Variants in DLGAP2 observed in about 807,000 individuals in gnomAD.
The protein encoded by DLGAP2 is DLG associated protein 2.
Under a neutral mutation model 100.3 loss-of-function variants are expected in DLGAP2, and 26 were observed. That is an observed-to-expected ratio of 0.26 (90% CI 0.19 to 0.36). The LOEUF is 0.36. DLGAP2 is among the 10% of genes least tolerant of loss of function. DLGAP2 has a pLI of 1.00. For synonymous variants in DLGAP2, 886 were observed against 630.1 expected (o/e 1.41, Z -6.08); for missense variants, 1,858 against 1,453.2 (o/e 1.28, Z -4.53).
At chr8:1,189,344 C>G (rs149968480) in intron 2 of DLGAP2, among the ~76,000 whole-genome samples, 22 of 152,226 alleles carry the variant, frequency 1.4e-4, no homozygotes, top group African/African-American at 5.3e-4. Context: ...AGTCACACAT[C>G]CAGCAGGAAG....
chr8:1,585,509 G>A (rs1320213729), intron 6 of DLGAP2, among the ~76,000 whole-genome samples: 1 of 152,204 alleles, frequency 6.6e-6, no homozygotes, highest in Non-Finnish European at 1.5e-5. Flanking sequence ...AGTGAGTGCT[G>A]TCTTTTACCA....
intron 1 of DLGAP2, among the ~76,000 whole-genome samples, chr8:789,398 C>G (rs1268134698): frequency 6.6e-6 from 1 of 152,104 alleles, no homozygotes; most frequent in Non-Finnish European, 1.5e-5. Flanking sequence ...AAACTACCAG[C>G]TCTTCTGAGA....
chr8:1,179,816 C>T (rs546133648), intron 2 of DLGAP2, among the ~76,000 whole-genome samples: 1 of 152,310 alleles, frequency 6.6e-6, no homozygotes, highest in South Asian at 2.1e-4. Context: ...CATACCCTTA[C>T]ATTTATACCC....
At chr8:1,337,309 G>A (rs1395239021) in intron 3 of DLGAP2, among the ~76,000 whole-genome samples, 1 of 112,130 alleles carries the variant, frequency 8.9e-6, no homozygotes, top group African/African-American at 3.3e-5. Flanking sequence ...TGAGGATGAT[G>A]TGATGGTGAG....
At chr8:1,332,606 A>T (rs1585268477) in intron 3 of DLGAP2, among the ~76,000 whole-genome samples, 1 of 152,118 alleles carries the variant, frequency 6.6e-6, no homozygotes, top group Non-Finnish European at 1.5e-5. Context: ...TGCCCTGAGA[A>T]GCACACTCAC....
At chr8:1,511,631 A>C (rs143877696) in intron 4 of DLGAP2, among the ~76,000 whole-genome samples, 2 of 150,496 alleles carry the variant, frequency 1.3e-5, no homozygotes, top group Non-Finnish European at 1.5e-5. Flanking sequence ...GTGTAGGACA[A>C]TCAGTAGATG....
chr8:1,036,198 G>T (rs1357348148), intron 2 of DLGAP2, among the ~76,000 whole-genome samples: 3 of 125,424 alleles, frequency 2.4e-5, no homozygotes, highest in African/African-American at 8.9e-5. Flanking sequence ...CCGCGAGTGG[G>T]TTCACAGCCT....
rs745361739 is a variant in DLGAP2 at position 1,668,467 on chromosome 8, T to C, written c.1949T>C (p.Met650Thr). 51 of 1,594,482 alleles carry C rather than the reference T, an allele frequency of 3.2e-5. 1 individual carries two copies. Among genetic ancestry groups the C allele is most frequent in the South Asian group, 2.7e-4 (24 of 87,766 alleles). The change falls in exon 9 of 15, where the codon ATG becomes ACG. Residue 650 changes from methionine (M) to threonine (T), a missense_variant. Coordinates refer to ENST00000637795, the MANE Select transcript of DLGAP2 (RefSeq NM_001346810.2). Reference sequence around the variant, plus strand: ...TACCAGGACAGCCGCGCACAGAGGATGTCCCCGTGGCCCCAGGACAGCCGC... The same window carrying C: ...TACCAGGACAGCCGCGCACAGAGGACGTCCCCGTGGCCCCAGGACAGCCGC... ...DAYQDSRAQR[M>T]SPWPQDSRGL...
At chr8:898,294 C>CGACTTCACCCAAGAGGCCTTGGGGT (rs1453082518) in intron 1 of DLGAP2, among the ~76,000 whole-genome samples, 3 of 152,066 alleles carry the variant, frequency 2.0e-5, no homozygotes, top group African/African-American at 7.2e-5. Flanking sequence ...TGAGGTCTGG[C>CGACTTCACCCAAGAGGCCTTGGGGT]GACTTCACCC....
chr8:1,085,938 C>A lies in DLGAP2; in HGVS notation c.74-172913C>A, dbSNP rs1186498768. Among the ~76,000 whole-genome samples the A allele has an allele frequency of 2.0e-5, 3 of 152,264 alleles. No individual in the cohort carries two copies. In the East Asian group the frequency reaches 5.8e-4, roughly 29 times the overall value. On this transcript the variant is annotated intron_variant, in intron 2 of 14. Coordinates refer to ENST00000637795, the MANE Select transcript of DLGAP2 (RefSeq NM_001346810.2). ...TTTATTTGTATCTTCAGTTGTCTTT[C>A]ATTAAAGTTTTCTAGTTTTTAGTTA...
At chr8:951,694 A>G (rs1478200291) in intron 2 of DLGAP2, among the ~76,000 whole-genome samples, 1 of 152,248 alleles carries the variant, frequency 6.6e-6, no homozygotes, top group Non-Finnish European at 1.5e-5. Flanking sequence ...GGACATGTCC[A>G]GGTGCTCCTT....
intron 6 of DLGAP2, among the ~76,000 whole-genome samples, chr8:1,580,001 G>A (rs1275311642): frequency 3.3e-5 from 5 of 152,134 alleles, no homozygotes; most frequent in East Asian, 3.9e-4. Flanking sequence ...CACCTCCACC[G>A]AAAGCCTGAT....
At chr8:1,363,048 T>C (rs1312765096) in intron 3 of DLGAP2, among the ~76,000 whole-genome samples, 1 of 152,208 alleles carries the variant, frequency 6.6e-6, no homozygotes, top group Non-Finnish European at 1.5e-5. Flanking sequence ...CTCTAAGCTT[T>C]AAAGAGAAGC....
intron 1 of DLGAP2, among the ~76,000 whole-genome samples, chr8:796,607 G>A (rs901081695): frequency 1.3e-5 from 2 of 152,196 alleles, no homozygotes; most frequent in African/African-American, 4.8e-5. Flanking sequence ...CAGCCTCAGA[G>A]CCTAGCAGTG....
chr8:1,417,664 A>T (rs796530141), intron 3 of DLGAP2, among the ~76,000 whole-genome samples: 2 of 94,486 alleles, frequency 2.1e-5, no homozygotes, highest in East Asian at 3.5e-4. Flanking sequence ...CTCCTGCCTC[A>T]CTCCGCGAGG....
At chr8:1,323,260 G>A (rs547733273) in intron 3 of DLGAP2, among the ~76,000 whole-genome samples, 1 of 152,038 alleles carries the variant, frequency 6.6e-6, no homozygotes, top group Non-Finnish European at 1.5e-5. Flanking sequence ...GAACTCCTGA[G>A]GTCAGGCAAT....
chr8:1,006,173 A>G (rs1563140017), intron 2 of DLGAP2, among the ~76,000 whole-genome samples: 1 of 152,174 alleles, frequency 6.6e-6, no homozygotes, highest in African/African-American at 2.4e-5. Flanking sequence ...TGGGCAACAG[A>G]GCGAGACACC....
chr8:1,242,376 A>G (rs1335806846), intron 2 of DLGAP2, among the ~76,000 whole-genome samples: 1 of 152,206 alleles, frequency 6.6e-6, no homozygotes. Context: ...AAGTGCATGG[A>G]ATGGGCAAGG....
intron 2 of DLGAP2, among the ~76,000 whole-genome samples, chr8:968,488 G>A (rs1415878830): frequency 6.6e-6 from 1 of 152,148 alleles, no homozygotes; most frequent in East Asian, 1.9e-4. Context: ...CCAGGTCCTT[G>A]CATTCACTCG....
Sources: allele counts gnomAD v4.1 joint callset (sites outside exome capture counted in the v4.1 genomes callset), GRCh38; gene constraint gnomAD v4.1.1; transcripts MANE v1.5; gene names NCBI Gene and HGNC (gene_info 2026-07-23, HGNC 2026-07-21).